Variants in SLC44A5 observed in about 807,000 individuals in gnomAD.
The protein encoded by SLC44A5 is solute carrier family 44 member 5.
In SLC44A5, 57 loss-of-function variants were observed where a neutral mutation model predicts 101.8. The observed-to-expected ratio is 0.56, with a 90% confidence interval of 0.45 to 0.70. SLC44A5 has a LOEUF of 0.70. Ranked by LOEUF, SLC44A5 falls within the 30% of genes least tolerant of loss-of-function variation. The probability of loss-of-function intolerance (pLI) is 0.00; values close to 1 mark genes in which losing one functional copy is unlikely to be tolerated. For synonymous variants in SLC44A5, 281 were observed against 290.9 expected (o/e 0.97, Z 0.35); for missense variants, 737 against 853.1 (o/e 0.86, Z 1.70).
intron 2 of SLC44A5, among the ~76,000 whole-genome samples, chr1:75,537,033 A>AAAAAAAAATATATAT (rs35829590): frequency 1.4e-4 from 6 of 43,038 alleles, no homozygotes; most frequent in African/African-American, 3.3e-4. Flanking sequence ...AAAAAAAAAA[A>AAAAAAAAATATATAT]ATATATATCT....
At chr1:75,213,456 G>A (rs955140853) in intron 22 of SLC44A5, among the ~76,000 whole-genome samples, 3 of 151,504 alleles carry the variant, frequency 2.0e-5, no homozygotes, top group Admixed American at 6.6e-5. Context: ...CAGGAGGATC[G>A]GATTAGTGTC....
chr1:75,702,137 C>T, the SLC44A5 span, among the ~76,000 whole-genome samples: 2 of 152,084 alleles, frequency 1.3e-5, no homozygotes, highest in South Asian at 2.1e-4. Flanking sequence ...TGACTTTCTT[C>T]ACAGAATTGG....
chr1:75,266,245 A>C (rs904602151), intron 6 of SLC44A5, among the ~76,000 whole-genome samples: 6 of 151,754 alleles, frequency 4.0e-5, no homozygotes, highest in Non-Finnish European at 8.8e-5. Context: ...CTAACAGGTA[A>C]GTTTCCCCAT....
intron 4 of SLC44A5, among the ~76,000 whole-genome samples, chr1:75,336,251 G>T (rs1163836199): frequency 6.6e-6 from 1 of 152,018 alleles, no homozygotes; most frequent in East Asian, 1.9e-4. Flanking sequence ...TGCCTCCTGG[G>T]TTCAAGCGAT....
chr1:75,688,566 C>G, the SLC44A5 span, among the ~76,000 whole-genome samples: 1 of 152,142 alleles, frequency 6.6e-6, no homozygotes, highest in Non-Finnish European at 1.5e-5. Context: ...TGCATGCTCA[C>G]TGCTTTCAAA....
At chr1:75,707,510 G>A in the SLC44A5 span, among the ~76,000 whole-genome samples, 1 of 152,084 alleles carries the variant, frequency 6.6e-6, no homozygotes, top group African/African-American at 2.4e-5. Context: ...CTGACTCAGG[G>A]TTATAGAACA....
At chr1:75,601,543 G>C (rs1169067062) in intron 1 of SLC44A5, among the ~76,000 whole-genome samples, 1 of 151,988 alleles carries the variant, frequency 6.6e-6, no homozygotes, top group Non-Finnish European at 1.5e-5. Context: ...AAAAAAGAGA[G>C]AGAAATAACA....
chr1:75,274,868 T>C (rs975562452), intron 6 of SLC44A5, 90 bp downstream of exon 6: 9 of 1,024,098 alleles, frequency 8.8e-6, no homozygotes, highest in African/African-American at 1.6e-5. Context: ...TTAAATCTTC[T>C]TAAGAAGTCT....
intron 5 of SLC44A5, among the ~76,000 whole-genome samples, chr1:75,300,406 G>T (rs2100862317): frequency 6.6e-6 from 1 of 152,188 alleles, no homozygotes; most frequent in Non-Finnish European, 1.5e-5. Context: ...TAAGTAATTT[G>T]GGCTTGCCTT....
intron 1 of SLC44A5, among the ~76,000 whole-genome samples, chr1:75,610,136 TACACACACACAC>T (rs144198306): frequency 1.5e-4 from 21 of 144,326 alleles, no homozygotes; most frequent in African/African-American, 4.6e-4. Flanking sequence ...AGTCAAGAAA[TACACACACACAC>T]ACACACACAC....
chr1:75,624,823 C>A, the SLC44A5 span, among the ~76,000 whole-genome samples: 1 of 152,094 alleles, frequency 6.6e-6, no homozygotes, highest in Non-Finnish European at 1.5e-5. Context: ...GAACACAGAC[C>A]TCTACTGAAA....
intron 7 of SLC44A5, 72 bp downstream of exon 7, chr1:75,251,138 G>T: frequency 8.1e-7 from 1 of 1,236,220 alleles, no homozygotes; most frequent in Non-Finnish European, 1.2e-6. Flanking sequence ...AACTCAAATG[G>T]AATTTCTCAA....
Position 75,214,008 on chromosome 1 carries a change from G to T in SLC44A5, c.1803-19C>A, listed in dbSNP as rs1646912538. 6.8e-7 allele frequency: 1 copy of T among 1,468,580 alleles called. No individual in the cohort carries two copies. Among genetic ancestry groups the T allele is most frequent in the Non-Finnish European group, 9.4e-7 (1 of 1,068,662 alleles). The allele number at this position is 1,468,580 out of a possible 1,614,324, so 91.0% of individuals were successfully genotyped here. ...TGCAACTCTGAGTATCAGAAAAAAA[G>T]AAAGTATAATTCTGTGTTTAAAATA... On this transcript the variant is annotated intron_variant, in intron 20 of 23. Transcript: ENST00000370859.
At chr1:75,347,847 G>A (rs1315159859) in intron 3 of SLC44A5, among the ~76,000 whole-genome samples, 1 of 152,044 alleles carries the variant, frequency 6.6e-6, no homozygotes, top group Non-Finnish European at 1.5e-5. Flanking sequence ...CCATATGTGA[G>A]GCAGAAATGT....
intron 22 of SLC44A5, among the ~76,000 whole-genome samples, chr1:75,211,833 CT>C (rs35421893): frequency 2.7e-5 from 4 of 146,692 alleles, no homozygotes; most frequent in African/African-American, 1.0e-4. Flanking sequence ...CTTTTCTTTT[CT>C]TTTTTTTCTT....
intron 2 of SLC44A5, among the ~76,000 whole-genome samples, chr1:75,438,125 T>C (rs1346812564): frequency 6.6e-6 from 1 of 152,028 alleles, no homozygotes; most frequent in African/African-American, 2.4e-5. Flanking sequence ...ACTCAACAGG[T>C]TATGTGAAAG....
In SLC44A5 at chr1:75,506,907, CTTTTTTTTTTTTTTTT is replaced by C. The variant is rs61554987; in HGVS notation, c.13+34512_13+34527del. Among the ~76,000 whole-genome samples, 186 of 68,790 alleles carry C rather than the reference CTTTTTTTTTTTTTTTT, an allele frequency of 2.7e-3. 1 individual carries two copies. The highest frequency in any genetic ancestry group is 3.4e-3 in the Non-Finnish European group (133 of 39,004). 45.1% of individuals were successfully genotyped at this position (68,790 alleles called of 152,430 possible). ...TCCTTGTCTGGTTCCTATTCCTATT[CTTTTTTTTTTTTTTTT>C]TTTTTTTTTGAGACTGTGTCTCACT... is the stretch of plus-strand genomic sequence containing the variant. On this transcript the variant is annotated intron_variant, in intron 2 of 23. Transcript: ENST00000370859.
At position 75,378,170 on chromosome 1, in the gene SLC44A5, G is replaced by A. The variant is rs1660744437; in HGVS notation, c.52+18413C>T. Among the ~76,000 whole-genome samples, 3 of 81,740 alleles carry A rather than the reference G, an allele frequency of 3.7e-5. 1 individual carries two copies. Among genetic ancestry groups the A allele is most frequent in the Non-Finnish European group, 6.3e-5 (3 of 47,698 alleles). The allele number at this position is 81,740 out of a possible 152,430, so 53.6% of individuals were successfully genotyped here. A position where few individuals can be genotyped will look rare whatever the true frequency, so the allele number is the denominator to read the frequency against. ...CTACAGTCAGCCTTACAGTAAGCTT[G>A]TGCGCTCGGAAGAAGCTAGGGTGAT... On this transcript the variant is annotated intron_variant, in intron 3 of 23. Coordinates refer to ENST00000370859, the MANE Select transcript of SLC44A5 (RefSeq NM_001130058.2).
At chr1:75,309,410 G>C (rs576579861) in intron 4 of SLC44A5, among the ~76,000 whole-genome samples, 2 of 152,124 alleles carry the variant, frequency 1.3e-5, no homozygotes, top group Non-Finnish European at 2.9e-5. Flanking sequence ...CTAGGAAACA[G>C]AGCGAGACCA....
Sources: gnomAD v4.1 joint callset for allele counts (sites outside exome capture counted in the v4.1 genomes callset) on GRCh38, gnomAD v4.1.1 for gene constraint, MANE v1.5 for transcripts, NCBI Gene and HGNC (gene_info 2026-07-23, HGNC 2026-07-21) for gene names.